Variants in MAN1A1 observed in about 807,000 individuals in gnomAD.
MAN1A1 encodes the protein mannosidase alpha class 1A member 1, also known as mannosyl-oligosaccharide 1,2-alpha-mannosidase IA.
MAN1A1 carries 29 observed loss-of-function variants against 70.8 expected under a neutral mutation model. That is an observed-to-expected ratio of 0.41 (90% CI 0.31 to 0.56). MAN1A1 has a LOEUF of 0.56. MAN1A1 is among the 20% of genes least tolerant of loss of function. The pLI, the probability that MAN1A1 is intolerant of heterozygous loss-of-function variation, is 0.29. For synonymous variants in MAN1A1, 349 were observed against 330.1 expected, an observed-to-expected ratio of 1.06 and a Z score of -0.62; for missense variants, 747 against 841.3, an observed-to-expected ratio of 0.89 and a Z score of 1.39.
intron 11 of MAN1A1, among the ~76,000 whole-genome samples, chr6:119,187,544 T>C (rs1773324187): frequency 6.6e-6 from 1 of 152,176 alleles, no homozygotes; most frequent in Admixed American, 6.5e-5. Context: ...CTTCCTAAGA[T>C]ATTAGTTAAA....
intron 5 of MAN1A1, among the ~76,000 whole-genome samples, chr6:119,254,831 C>A (rs1402618487): frequency 2.0e-5 from 3 of 152,134 alleles, no homozygotes; most frequent in Non-Finnish European, 4.4e-5. Flanking sequence ...AAATACGATG[C>A]AACAGTTCTT....
At chr6:119,214,242 G>C (rs1056175328) in intron 6 of MAN1A1, among the ~76,000 whole-genome samples, 1 of 152,090 alleles carries the variant, frequency 6.6e-6, no homozygotes, top group African/African-American at 2.4e-5. Context: ...GGGATTCCAG[G>C]TGTGAGCCAC....
chr6:119,329,371 G>A (rs1228668348), intron 2 of MAN1A1, among the ~76,000 whole-genome samples: 1 of 152,104 alleles, frequency 6.6e-6, no homozygotes, highest in African/African-American at 2.4e-5. Flanking sequence ...AGCAGTCTTG[G>A]TTCCCTGTAC....
At chr6:119,323,578 A>G (rs1773075093) in intron 2 of MAN1A1, among the ~76,000 whole-genome samples, 1 of 152,196 alleles carries the variant, frequency 6.6e-6, no homozygotes, top group Non-Finnish European at 1.5e-5. Flanking sequence ...AGTTTCTCCA[A>G]GTAGGTTAAC....
upstream of MAN1A1, chr6:119,349,860 G>A: frequency 1.6e-6 from 1 of 616,380 alleles, no homozygotes; most frequent in Non-Finnish European, 2.0e-6. Context: ...CCAGGGTCCC[G>A]CGGGGGCGGG....
At chr6:119,307,180 C>T (rs1408977335) in intron 2 of MAN1A1, among the ~76,000 whole-genome samples, 188 bp from the exon 3 acceptor site, 3 of 152,182 alleles carry the variant, frequency 2.0e-5, no homozygotes, top group Admixed American at 2.0e-4. Context: ...TACACATACA[C>T]ACTACCCTTT....
At chr6:119,280,493 C>A (rs1388637127) in intron 5 of MAN1A1, among the ~76,000 whole-genome samples, 2 of 152,186 alleles carry the variant, frequency 1.3e-5, no homozygotes, top group Non-Finnish European at 2.9e-5. Context: ...TGCAGTGCCT[C>A]AAAGCAGGTA....
intron 2 of MAN1A1, among the ~76,000 whole-genome samples, chr6:119,325,006 C>A (rs978055661): frequency 1.3e-5 from 2 of 152,122 alleles, no homozygotes; most frequent in African/African-American, 4.8e-5. Context: ...CCCTGGGAAG[C>A]AAAACAGCCT....
At chr6:119,300,614 A>T (rs117093207) in intron 4 of MAN1A1, among the ~76,000 whole-genome samples, 4,253 of 152,210 alleles carry the variant, frequency 0.028, 92 homozygotes, top group Non-Finnish European at 0.045. Context: ...CCAGTGCTTT[A>T]ATTTTTCATA....
chr6:119,275,464 G>A (rs1331342767), intron 5 of MAN1A1, among the ~76,000 whole-genome samples: 3 of 147,240 alleles, frequency 2.0e-5, no homozygotes, highest in East Asian at 3.9e-4. Flanking sequence ...CCGCCACTAC[G>A]CCCGGCTAAT....
intron 2 of MAN1A1, among the ~76,000 whole-genome samples, chr6:119,345,516 T>G (rs549572097): frequency 6.6e-6 from 1 of 152,344 alleles, no homozygotes; most frequent in East Asian, 1.9e-4. Context: ...AAATCAGTAG[T>G]GGAAAGCATT....
chr6:119,244,755 C>T (rs184702282), intron 6 of MAN1A1, among the ~76,000 whole-genome samples: 11 of 152,206 alleles, frequency 7.2e-5, no homozygotes, highest in Non-Finnish European at 1.5e-5. Context: ...TCTCCTTGGT[C>T]CATCTTAGGT....
intron 10 of MAN1A1, 87 bp from the exon 11 acceptor site, chr6:119,188,664 C>A: frequency 8.2e-7 from 1 of 1,212,980 alleles, no homozygotes; most frequent in South Asian, 1.4e-5. Context: ...AAAGTACAGT[C>A]ATCCCTCAGT....
intron 5 of MAN1A1, among the ~76,000 whole-genome samples, chr6:119,280,980 G>C (rs1337472561): frequency 6.6e-6 from 1 of 152,222 alleles, no homozygotes; most frequent in Non-Finnish European, 1.5e-5. Context: ...CTGCCAAACA[G>C]CAACTGGCTC....
chr6:119,315,634 A>G (rs548807627), intron 2 of MAN1A1, among the ~76,000 whole-genome samples: 1 of 152,352 alleles, frequency 6.6e-6, no homozygotes, highest in Admixed American at 6.5e-5. Flanking sequence ...TGACCAAAAT[A>G]TAAGTCCATT....
intron 5 of MAN1A1, among the ~76,000 whole-genome samples, chr6:119,252,537 T>C (rs1341005301): frequency 6.6e-6 from 1 of 152,192 alleles, no homozygotes; most frequent in Admixed American, 6.5e-5. Context: ...CTCATGCCTG[T>C]AATCCCAGCA....
intron 5 of MAN1A1, chr6:119,269,843 T>TA (rs1460004616): frequency 6.6e-6 from 1 of 152,260 alleles, no homozygotes; most frequent in African/African-American, 2.4e-5. Flanking sequence ...TATTTTTAAT[T>TA]AGAGATAGGG....
chr6:119,323,489 A>T (rs1047722151), intron 2 of MAN1A1, among the ~76,000 whole-genome samples: 3 of 152,092 alleles, frequency 2.0e-5, no homozygotes, highest in Admixed American at 6.6e-5. Context: ...CACTTAGTTG[A>T]TGCCCAACAT....
In MAN1A1 at chr6:119,320,546, T is replaced by C. The variant is rs150847235; in HGVS notation, c.604-13554A>G. ...CTGTGTAATAATAAATAGTATGATT[T>C]ACCAAAAAAATTACAGTAGCCAAGT... On this transcript the variant is annotated intron_variant, in intron 2 of 12. Coordinates refer to ENST00000368468, the MANE Select transcript of MAN1A1 (RefSeq NM_005907.4). Among the ~76,000 whole-genome samples the C allele has an allele frequency of 5.1e-3, 780 of 152,106 alleles. 7 individuals carry two copies. The highest frequency in any genetic ancestry group is 0.017 in the African/African-American group (724 of 41,494).
Sources: allele counts gnomAD v4.1 joint callset (sites outside exome capture counted in the v4.1 genomes callset), GRCh38; gene constraint gnomAD v4.1.1; transcripts MANE v1.5; gene names NCBI Gene and HGNC (gene_info 2026-07-23, HGNC 2026-07-21).